MAP3K13: variants seen among roughly 807,000 people sequenced by gnomAD.
The protein encoded by MAP3K13 is leucine zipper-bearing kinase.
Under a neutral mutation model 104.0 loss-of-function variants are expected in MAP3K13, and 52 were observed. That is an observed-to-expected ratio of 0.50 (90% CI 0.40 to 0.63). MAP3K13 has a LOEUF of 0.63. Ranked by LOEUF, MAP3K13 falls within the 20% of genes least tolerant of loss-of-function variation. MAP3K13 has a pLI of 0.00. For missense variants in MAP3K13, 914 were observed against 1,218.5 expected, an observed-to-expected ratio of 0.75 and a Z score of 3.72; for synonymous variants, 394 against 442.2, an observed-to-expected ratio of 0.89 and a Z score of 1.37.
intron 2 of MAP3K13, among the ~76,000 whole-genome samples, chr3:185,432,885 T>G (rs1203021502): frequency 6.6e-6 from 1 of 152,192 alleles, no homozygotes; most frequent in African/African-American, 2.4e-5. Flanking sequence ...TTGCAGGATA[T>G]CCTACTGAGG....
intron 1 of MAP3K13, among the ~76,000 whole-genome samples, chr3:185,400,076 AATC>A (rs1056354439): frequency 6.6e-6 from 1 of 152,076 alleles, no homozygotes; most frequent in African/African-American, 2.4e-5. Flanking sequence ...TTTCAAATCG[AATC>A]ATGTCACCTC....
intron 1 of MAP3K13, among the ~76,000 whole-genome samples, chr3:185,393,907 A>G (rs1054511378): frequency 6.6e-6 from 1 of 152,150 alleles, no homozygotes; most frequent in Admixed American, 6.5e-5. Context: ...ATCTTCCCTG[A>G]CAAGAAGATA....
At chr3:185,395,810 A>C (rs1363047852) in intron 1 of MAP3K13, among the ~76,000 whole-genome samples, 1 of 151,672 alleles carries the variant, frequency 6.6e-6, no homozygotes, top group Admixed American at 6.6e-5. Context: ...TCAGCCTCCC[A>C]AGTAGCTGGG....
rs969458265 is a variant in MAP3K13 at position 185,357,461 on chromosome 3, A to G, written c.-85-71036A>G. Among the ~76,000 whole-genome samples, 37 of 151,200 alleles carry G rather than the reference A, an allele frequency of 2.4e-4. No homozygotes were observed. In the East Asian group the frequency reaches 5.8e-3, roughly 24 times the overall value. On this transcript the variant is annotated intron_variant, in intron 2 of 14. Transcript: ENST00000424227. ...GAAACTCCATCTAAAAAAAAAAAAA[A>G]AAAAAAGAAAAAAAGAAAAAGAAAG...
chr3:185,437,018 AAAAAAAAAAAAAAAT>A (rs1291699781), intron 2 of MAP3K13, among the ~76,000 whole-genome samples: 5 of 150,170 alleles, frequency 3.3e-5, no homozygotes, highest in Admixed American at 6.7e-5. Context: ...AAAAAAAAAA[AAAAAAAAAAAAAAAT>A]TAGCAAAGAT....
intron 11 of MAP3K13, among the ~76,000 whole-genome samples, chr3:185,475,009 G>A (rs933404931): frequency 2.7e-5 from 4 of 150,634 alleles, no homozygotes; most frequent in Non-Finnish European, 5.9e-5. Context: ...GCAGAGAATA[G>A]CTTGAACCTG....
intron 2 of MAP3K13, among the ~76,000 whole-genome samples, chr3:185,343,604 C>T (rs557814619): frequency 2.2e-4 from 34 of 152,194 alleles, no homozygotes; most frequent in African/African-American, 7.7e-4. Context: ...AGGCACGTGC[C>T]ACCATGCCCA....
At position 185,374,260 on chromosome 3, in the gene MAP3K13, GA is replaced by G. The variant is rs1724308895; in HGVS notation, c.-86+10897del. 3.3e-5 allele frequency among the ~76,000 whole-genome samples: 5 copies of G among 152,162 alleles called. 1 individual carries two copies. The South Asian group carries it at 8.3e-4, about 25-fold the overall frequency. On this transcript the variant is annotated intron_variant, in intron 1 of 13. Transcript: ENST00000265026. The stretch of plus-strand genomic sequence containing the variant: ...CATTCCTGTCTTCTTATATTAATAA[GA>G]AAAATAAAACAAAATAGTGGTAAAG...
intron 2 of MAP3K13, among the ~76,000 whole-genome samples, chr3:185,336,220 G>T (rs1330382130): frequency 6.6e-6 from 1 of 152,042 alleles, no homozygotes; most frequent in Non-Finnish European, 1.5e-5. Context: ...AAGTCAAAAT[G>T]GAATGTAATG....
chr3:185,468,460 A>G (rs1282512506), intron 10 of MAP3K13, among the ~76,000 whole-genome samples: 1 of 152,082 alleles, frequency 6.6e-6, no homozygotes, highest in Non-Finnish European at 1.5e-5. Flanking sequence ...ATTTTTCCTT[A>G]CCAAACTCTG....
chr3:185,470,923 G>T (rs1717737579), intron 10 of MAP3K13, among the ~76,000 whole-genome samples: 1 of 152,134 alleles, frequency 6.6e-6, no homozygotes, highest in Non-Finnish European at 1.5e-5. Context: ...AGAACTGAGG[G>T]TCCTGGAAAT....
rs1553786580 is a variant in MAP3K13, at chr3:185,307,543, C to CCCCG, written c.-86+21903_-86+21904insGCCC. The stretch of plus-strand genomic sequence containing the variant: ...CTATAATTTCCATTTGGTGCACCAC[C>CCCCG]CCCTCCCCCGCCACCCCGAGATGCA... On this transcript the variant is annotated intron_variant, in intron 2 of 14. Transcript: ENST00000424227. Among the ~76,000 whole-genome samples the CCCCG allele has an allele frequency of 3.3e-4, 16 of 49,002 alleles. No individual in the cohort carries two copies. In the South Asian group the frequency reaches 7.8e-3, roughly 24 times the overall value. 32.1% of individuals were successfully genotyped at this position (49,002 alleles called of 152,430 possible). A position where few individuals can be genotyped will look rare whatever the true frequency, so the allele number is the denominator to read the frequency against.
At chr3:185,308,009 C>CTTTTTTTTTTTT (rs33949195) in intron 2 of MAP3K13, among the ~76,000 whole-genome samples, 3 of 31,564 alleles carry the variant, frequency 9.5e-5, no homozygotes, top group East Asian at 1.4e-3. Context: ...TCTTTGGGGT[C>CTTTTTTTTTTTT]TTTTTTTTTT....
chr3:185,449,299 G>A (rs1343174824), intron 5 of MAP3K13, among the ~76,000 whole-genome samples: 1 of 151,226 alleles, frequency 6.6e-6, no homozygotes, highest in Non-Finnish European at 1.5e-5. Context: ...CTTGAACCCA[G>A]GAGGTGGAGG....
At chr3:185,415,573 A>ATTTTTTTTTTTTTTTTTTT (rs34633048) in intron 1 of MAP3K13, among the ~76,000 whole-genome samples, 2 of 119,452 alleles carry the variant, frequency 1.7e-5, no homozygotes, top group Non-Finnish European at 1.7e-5. Context: ...AGAAGGGTTA[A>ATTTTTTTTTTTTTTTTTTT]TTTCTTTTTT....
intron 1 of MAP3K13, among the ~76,000 whole-genome samples, chr3:185,378,404 GA>G (rs1485913001): frequency 6.6e-6 from 1 of 152,212 alleles, no homozygotes; most frequent in African/African-American, 2.4e-5. Flanking sequence ...TTGGGATAAA[GA>G]AAAAAGAGCA....
At chr3:185,371,441 T>C (rs1724158908) in intron 1 of MAP3K13, among the ~76,000 whole-genome samples, 1 of 152,226 alleles carries the variant, frequency 6.6e-6, no homozygotes, top group Non-Finnish European at 1.5e-5. Flanking sequence ...ATTTTAATTG[T>C]TTAAAAATTT....
At chr3:185,368,099 T>C (rs1723978097) in intron 1 of MAP3K13, among the ~76,000 whole-genome samples, 1 of 152,272 alleles carries the variant, frequency 6.6e-6, no homozygotes, top group South Asian at 2.1e-4. Context: ...AGGCAGAGGT[T>C]GCAGTGAGCC....
intron 1 of MAP3K13, among the ~76,000 whole-genome samples, chr3:185,420,121 A>G (rs539833497): frequency 6.6e-6 from 1 of 152,346 alleles, no homozygotes; most frequent in Non-Finnish European, 1.5e-5. Flanking sequence ...CATGGAATCA[A>G]TATTTTTGAA....
Sources: gnomAD v4.1 joint callset for allele counts (sites outside exome capture counted in the v4.1 genomes callset) on GRCh38, gnomAD v4.1.1 for gene constraint, MANE v1.5 for transcripts, NCBI Gene and HGNC (gene_info 2026-07-23, HGNC 2026-07-21) for gene names.